COL4A2: variants seen among roughly 807,000 people sequenced by gnomAD.
The protein encoded by COL4A2 is collagen type IV alpha 2 chain, also known as collagen alpha-2(IV) chain.
COL4A2 carries 99 observed loss-of-function variants against 200.2 expected under a neutral mutation model. The ratio of observed to expected loss-of-function variants is 0.49; its 90% CI spans 0.42 to 0.58. The LOEUF is 0.58. Among genes scored for constraint, COL4A2 ranks in the 20% least tolerant of loss-of-function variants. The probability of loss-of-function intolerance (pLI) is 0.00; values close to 1 mark genes in which losing one functional copy is unlikely to be tolerated. For synonymous variants in COL4A2, 897 were observed against 900.6 expected, an observed-to-expected ratio of 1.00 and a Z score of 0.07; for missense variants, 1,950 against 2,314.1, an observed-to-expected ratio of 0.84 and a Z score of 3.23.
chr13:110,474,794 T>C (rs9555708), intron 29 of COL4A2, among the ~76,000 whole-genome samples: 1,229 of 45,856 alleles, frequency 0.027, 18 homozygotes, highest in Middle Eastern at 0.087. Flanking sequence ...CGTGCCTGTG[T>C]ACACTCACAC....
At position 110,480,977 on chromosome 13, in the gene COL4A2, CAGTTCTGTCCTTCCAT is replaced by C. The variant is rs1315661339; in HGVS notation, c.2758+588_2758+603del. On this transcript the variant is annotated intron_variant, in intron 31 of 47. Coordinates refer to ENST00000360467, the MANE Select transcript of COL4A2 (RefSeq NM_001846.4). ...CTGTCCCTCCGTTGCTGGAGACACA[CAGTTCTGTCCTTCCAT>C]TGCTGGAGACACACTGTTCTGTCCT... Among the ~76,000 whole-genome samples the C allele has an allele frequency of 9.3e-5, 13 of 139,110 alleles. 1 individual carries two copies. The highest frequency in any genetic ancestry group is 2.4e-4 in the African/African-American group (9 of 37,172). The allele number at this position is 139,110 out of a possible 152,430, so 91.3% of individuals were successfully genotyped here. A position where few individuals can be genotyped will look rare whatever the true frequency, so the allele number is the denominator to read the frequency against.
At chr13:110,430,049 A>T (rs1566528385) in intron 8 of COL4A2, 93 bp downstream of exon 8, 3 of 1,304,984 alleles carry the variant, frequency 2.3e-6, no homozygotes, top group Non-Finnish European at 3.1e-6. Flanking sequence ...TGCATGTAAG[A>T]ATGAATGTAC....
chr13:110,421,264 A>G lies in COL4A2; in HGVS notation c.181-3470A>G, dbSNP rs183116615. On this transcript the variant is annotated intron_variant, in intron 4 of 47. Transcript: ENST00000360467. ...AATTCCACTCCTAGGAACACACCCAAAAGAATTCAGAACAGAGACTCAAGT... is the reference window on the plus strand; with the variant it reads ...AATTCCACTCCTAGGAACACACCCAGAAGAATTCAGAACAGAGACTCAAGT... Among the ~76,000 whole-genome samples the G allele has an allele frequency of 1.6e-3, 248 of 152,362 alleles. 1 individual carries two copies. The highest frequency in any genetic ancestry group is 3.3e-3 in the Admixed American group (51 of 15,304).
chr13:110,328,506 C>T (rs1163724734), intron 3 of COL4A2: 1 of 152,230 alleles, frequency 6.6e-6, no homozygotes, highest in Non-Finnish European at 1.5e-5. Context: ...TGTCTCATCC[C>T]TTGGTTTCAT....
intron 3 of COL4A2, among the ~76,000 whole-genome samples, chr13:110,308,519 T>A (rs1003950631): frequency 1.3e-5 from 2 of 151,596 alleles, no homozygotes; most frequent in African/African-American, 4.9e-5. Flanking sequence ...TGGTGGGGAG[T>A]CTCTGTCACG....
chr13:110,437,908 A>G lies in COL4A2; in HGVS notation c.826-94A>G, dbSNP rs1880955960. On this transcript the variant is annotated intron_variant, in intron 13 of 47. Transcript: ENST00000360467. ...ATGATGATTGTGTGAGGATTGATTC[A>G]GTACTTTCAGCTCATGTCATGAACC... 9.2e-6 allele frequency: 9 copies of G among 982,046 alleles called. No individual in the cohort carries two copies. The East Asian group carries it at 1.4e-4, about 16-fold the overall frequency. 60.8% of individuals were successfully genotyped at this position (982,046 alleles called of 1,614,324 possible).
chr13:110,348,805 A>G (rs1478638516), intron 3 of COL4A2, among the ~76,000 whole-genome samples: 1 of 152,230 alleles, frequency 6.6e-6, no homozygotes, highest in Non-Finnish European at 1.5e-5. Flanking sequence ...TGCTAGGCAC[A>G]ATCCAATCGT....
At chr13:110,455,085 A>G (rs946945153) in intron 20 of COL4A2, among the ~76,000 whole-genome samples, 1 of 151,794 alleles carries the variant, frequency 6.6e-6, no homozygotes, top group Non-Finnish European at 1.5e-5. Context: ...GCTATCCACC[A>G]CCACCGCCCG....
At chr13:110,386,230 G>A (rs1461351895) in intron 4 of COL4A2, among the ~76,000 whole-genome samples, 1 of 152,188 alleles carries the variant, frequency 6.6e-6, no homozygotes, top group Non-Finnish European at 1.5e-5. Flanking sequence ...TGTGTAGAGT[G>A]TTGAGAAACG....
At chr13:110,374,911 C>G (rs1157290839) in intron 4 of COL4A2, among the ~76,000 whole-genome samples, 1 of 152,192 alleles carries the variant, frequency 6.6e-6, no homozygotes, top group African/African-American at 2.4e-5. Flanking sequence ...CCCTCTAAGT[C>G]AAGGTGAGAT....
intron 20 of COL4A2, chr13:110,456,346 G>A (rs552551449): frequency 1.5e-4 from 41 of 265,406 alleles, no homozygotes; most frequent in African/African-American, 6.0e-4. Context: ...CTGGAGGGAT[G>A]CACACGTGTG....
In COL4A2 at chr13:110,469,375, G is replaced by A. The variant is rs925959249; in HGVS notation, c.2203+51G>A. On this transcript the variant is annotated intron_variant, in intron 28 of 47. Coordinates refer to ENST00000360467, the MANE Select transcript of COL4A2 (RefSeq NM_001846.4). ...AGCCCCTGGGTTCCAGCGGGAACCT[G>A]TGTGTGATTCATAAGCATCCAGCTC... 13 of 1,511,726 alleles carry A rather than the reference G, an allele frequency of 8.6e-6. No individual in the cohort carries two copies. In the East Asian group the frequency reaches 3.2e-4, roughly 37 times the overall value. The allele number at this position is 1,511,726 out of a possible 1,614,324, so 93.6% of individuals were successfully genotyped here.
rs1880807867 is a variant in COL4A2 at position 110,434,701 on chromosome 13, C to CA, written c.726+260dup. Among the ~76,000 whole-genome samples, 10 of 152,308 alleles carry CA rather than the reference C, an allele frequency of 6.6e-5. No individual in the cohort carries two copies. In the South Asian group the frequency reaches 2.1e-3, roughly 32 times the overall value. On this transcript the variant is annotated intron_variant, in intron 12 of 47. Transcript: ENST00000360467. The stretch of plus-strand genomic sequence containing the variant: ...CTGACACAGAGACATAAGCTCAGCT[C>CA]ATCTTCAGAAGGTGGAGGTGAGGAC...
chr13:110,458,736 C>T (rs767289220), intron 21 of COL4A2, 35 bp from the exon 22 acceptor site: 103 of 1,612,096 alleles, frequency 6.4e-5, no homozygotes, highest in Admixed American at 1.0e-4. Context: ...AAGAGGAATG[C>T]GGAACAAGGA....
At chr13:110,313,218 C>G (rs956856322) in intron 3 of COL4A2, among the ~76,000 whole-genome samples, 1 of 152,186 alleles carries the variant, frequency 6.6e-6, no homozygotes, top group Non-Finnish European at 1.5e-5. Flanking sequence ...TGCTGTTTCC[C>G]TCTGGTGCCC....
chr13:110,461,925 C>A, intron 22 of COL4A2, 189 bp from the exon 23 acceptor site: 1 of 736,084 alleles, frequency 1.4e-6, no homozygotes, highest in Non-Finnish European at 2.2e-6. Flanking sequence ...CCACTGTGGC[C>A]AGTGGCCCCA....
chr13:110,493,125 T>C (rs1473566323), intron 38 of COL4A2, 86 bp from the exon 39 acceptor site: 1 of 1,390,880 alleles, frequency 7.2e-7, no homozygotes, highest in South Asian at 1.2e-5. Flanking sequence ...GAAATAACGA[T>C]GAGTGACACC....
intron 29 of COL4A2, among the ~76,000 whole-genome samples, chr13:110,476,597 C>T (rs1882713634): frequency 6.6e-6 from 1 of 152,200 alleles, no homozygotes; most frequent in Admixed American, 6.5e-5. Flanking sequence ...GCCTCCCTGT[C>T]CTGGACCAGC....
rs1001764615 is a variant in COL4A2, at chr13:110,492,169, G to C, written c.3554G>C (p.Gly1185Ala). Residue 1185 changes from glycine (G) to alanine (A), a missense_variant, in exon 38 of 48, where the codon GGC becomes GCC. Coordinates refer to ENST00000360467, the MANE Select transcript of COL4A2 (RefSeq NM_001846.4). ...KGDDGWPGAP[G>A]LPGFPGLRGI... The stretch of plus-strand genomic sequence containing the variant: ...GATGATGGCTGGCCGGGAGCTCCGG[G>C]CTTACCAGGTAAGGTCACGTAAAAC... 1.3e-6 allele frequency: 2 copies of C among 1,552,062 alleles called. No individual in the cohort carries two copies. Among genetic ancestry groups the C allele is most frequent in the African/African-American group, 1.4e-5 (1 of 73,148 alleles).
Sources: gnomAD v4.1 joint callset for allele counts (sites outside exome capture counted in the v4.1 genomes callset) on GRCh38, gnomAD v4.1.1 for gene constraint, MANE v1.5 for transcripts, NCBI Gene and HGNC (gene_info 2026-07-23, HGNC 2026-07-21) for gene names.